The following RAPH1 variants were observed in gnomAD, a reference collection of about 807,000 sequenced individuals.
RAPH1 encodes ras-associated and pleckstrin homology domains-containing protein 1.
Under a neutral mutation model 88.1 loss-of-function variants are expected in RAPH1, and 18 were observed. The observed-to-expected ratio is 0.20, with a 90% CI of 0.14 to 0.30. RAPH1 has a LOEUF of 0.30. Ranked by LOEUF, RAPH1 falls within the 10% of genes least tolerant of loss-of-function variation. RAPH1 has a pLI of 1.00. For synonymous variants in RAPH1, 587 were observed against 559.0 expected, an observed-to-expected ratio of 1.05 and a Z score of -0.71; for missense variants, 1,448 against 1,543.2, an observed-to-expected ratio of 0.94 and a Z score of 1.03.
At chr2:203,529,738 C>T (rs1690305987) in intron 1 of RAPH1, among the ~76,000 whole-genome samples, 1 of 152,162 alleles carries the variant, frequency 6.6e-6, no homozygotes, top group African/African-American at 2.4e-5. Flanking sequence ...GTTTACAGTC[C>T]AATTTTTGCT....
intron 7 of RAPH1, 30 bp downstream of exon 7, chr2:203,459,877 T>A: frequency 1.2e-6 from 2 of 1,602,518 alleles, no homozygotes; most frequent in South Asian, 1.1e-5. Context: ...TATTTACAAA[T>A]CCTGACCTCT....
At position 203,439,803 on chromosome 2, in the gene RAPH1, A is replaced by C; in HGVS notation, c.3387T>G (p.Asp1129Glu). The C allele has an allele frequency of 6.2e-7, 1 of 1,614,074 alleles. No homozygotes were observed. The highest frequency in any genetic ancestry group is 8.5e-7 in the Non-Finnish European group (1 of 1,180,012). ...TCTCAGCTTGAGTGAGGCGGGTGCTATCATTCCGTTTGGGTCGTGTGGGTG... is the reference window on the plus strand; with the variant it reads ...TCTCAGCTTGAGTGAGGCGGGTGCTCTCATTCCGTTTGGGTCGTGTGGGTG... ...APPPTRPKRN[D>E]STRLTQAEIS... The change falls in exon 14 of 14, where the codon GAT becomes GAG. Residue 1129 changes from aspartate to glutamate, a missense_variant. Asp to Glu is a conservative substitution (Grantham distance 45). This residue lies in a region of RAPH1 where 935 missense variants were observed against 890.1 expected (regional missense o/e 1.05). Coordinates refer to ENST00000319170, the MANE Select transcript of RAPH1 (RefSeq NM_213589.3).
intron 1 of RAPH1, among the ~76,000 whole-genome samples, chr2:203,526,653 A>C (rs1690132265): frequency 6.7e-6 from 1 of 148,584 alleles, no homozygotes; most frequent in African/African-American, 2.5e-5. Context: ...TGAACCCAGA[A>C]GGCAGAGGTT....
intron 10 of RAPH1, among the ~76,000 whole-genome samples, chr2:203,451,747 C>T (rs2098515082): frequency 6.6e-6 from 1 of 152,222 alleles, no homozygotes; most frequent in African/African-American, 2.4e-5. Flanking sequence ...ATCTCCTCCT[C>T]CCCACTTCTT....
intron 13 of RAPH1, chr2:203,444,611 A>G (rs78753598): frequency 0.017 from 7,100 of 423,612 alleles, 421 homozygotes; most frequent in African/African-American, 0.13. Flanking sequence ...TGAAAGAATT[A>G]AACTGCCAGT....
chr2:203,478,021 C>T (rs1202270116), intron 4 of RAPH1, among the ~76,000 whole-genome samples: 8 of 151,342 alleles, frequency 5.3e-5, no homozygotes, highest in Non-Finnish European at 2.9e-5. Context: ...TTCTCAAAGT[C>T]ATCAATAACT....
In RAPH1 at chr2:203,454,530, T is replaced by C; in HGVS notation, c.1313A>G (p.Asp438Gly). 1.2e-6 allele frequency: 2 copies of C among 1,612,400 alleles called. No homozygotes were observed. The highest frequency in any genetic ancestry group is 1.7e-6 in the Non-Finnish European group (2 of 1,179,038). Residue 438 changes from aspartate (D) to glycine (G), a missense_variant, in exon 10 of 14, where the codon GAT becomes GGT. Asp to Gly is a moderately conservative substitution (Grantham distance 94). Around this residue, in one of 2 missense-constraint regions of RAPH1, gnomAD observed 513 missense variants for 653.1 expected, o/e 0.79. Coordinates refer to ENST00000319170, the MANE Select transcript of RAPH1 (RefSeq NM_213589.3). Reference sequence around the variant, plus strand: ...ATCCAGCTGGAGAAAGCACACCAGATCCCGAGAGACCTAAGATAAAAACAC... The same window carrying C: ...ATCCAGCTGGAGAAAGCACACCAGACCCCGAGAGACCTAAGATAAAAACAC... ...VPKGKAKVSRDLVCFLQLDHV... is the reference protein window; with the variant it reads ...VPKGKAKVSRGLVCFLQLDHV...
In RAPH1 at chr2:203,435,049, G is replaced by C. The variant is rs781782451; in HGVS notation, c.*4388C>G. ...ACAGCAAGTATTTTCTCTTTAAAAC[G>C]GTTTATTACTTCAACAAGCAAAGAG... On this transcript the variant is annotated 3_prime_UTR_variant, in exon 14 of 14. Transcript: ENST00000319170. The C allele has an allele frequency of 6.6e-6, 1 of 152,558 alleles. No individual in the cohort carries two copies. The highest frequency in any genetic ancestry group is 2.1e-4 in the South Asian group (1 of 4,826). 9.5% of individuals were successfully genotyped at this position (152,558 alleles called of 1,614,324 possible). A position where few individuals can be genotyped will look rare whatever the true frequency, so the allele number is the denominator to read the frequency against.
intron 1 of RAPH1, among the ~76,000 whole-genome samples, chr2:203,528,235 G>C (rs1333582977): frequency 1.3e-5 from 2 of 151,508 alleles, no homozygotes; most frequent in African/African-American, 4.9e-5. Flanking sequence ...TTAAAACTTA[G>C]TAAGAAAATA....
At chr2:203,512,198 G>A (rs1689372076) in intron 1 of RAPH1, among the ~76,000 whole-genome samples, 1 of 151,670 alleles carries the variant, frequency 6.6e-6, no homozygotes, top group Non-Finnish European at 1.5e-5. Flanking sequence ...GGAGGCCCAG[G>A]CAGGCGGACC....
intron 1 of RAPH1, among the ~76,000 whole-genome samples, chr2:203,526,153 C>G (rs987293674): frequency 2.6e-5 from 4 of 152,080 alleles, no homozygotes; most frequent in African/African-American, 9.7e-5. Context: ...ATTTAGGCTT[C>G]TGAAATAAGC....
rs1318054333 is a variant in RAPH1 at position 203,532,206 on chromosome 2, T to G, written c.-1+2905A>C. Among the ~76,000 whole-genome samples, 3 of 152,244 alleles carry G rather than the reference T, an allele frequency of 2.0e-5. No homozygotes were observed. In the East Asian group the frequency reaches 5.8e-4, roughly 29 times the overall value. ...AGGGAAGTGGATAGTTACTGTTTTG[T>G]TTTTGAACAGGGTCTCACTCTGTCA... On this transcript the variant is annotated intron_variant, in intron 1 of 13. Coordinates refer to ENST00000319170, the MANE Select transcript of RAPH1 (RefSeq NM_213589.3).
intron 4 of RAPH1, among the ~76,000 whole-genome samples, chr2:203,487,288 C>T (rs1431715579): frequency 1.3e-5 from 2 of 152,164 alleles, no homozygotes; most frequent in African/African-American, 4.8e-5. Flanking sequence ...TTGCTCATAT[C>T]CTAGCAGGTA....
chr2:203,516,818 C>T (rs1398238218), intron 1 of RAPH1, among the ~76,000 whole-genome samples: 3 of 151,936 alleles, frequency 2.0e-5, no homozygotes, highest in Admixed American at 6.6e-5. Context: ...CGGATCATGA[C>T]GTCAGGAGAT....
At chr2:203,454,646 C>T in intron 9 of RAPH1, 106 bp from the exon 10 acceptor site, 2 of 715,654 alleles carry the variant, frequency 2.8e-6, no homozygotes, top group South Asian at 4.0e-5. Flanking sequence ...TTTGCTAATA[C>T]TAAATAGAAA....
At chr2:203,513,450 G>A (rs1232254857) in intron 1 of RAPH1, among the ~76,000 whole-genome samples, 2 of 117,820 alleles carry the variant, frequency 1.7e-5, no homozygotes, top group African/African-American at 7.0e-5. Flanking sequence ...CACCTCCCAG[G>A]TTCATGCCAT....
Position 203,440,375 on chromosome 2 carries a change from G to A in RAPH1, c.2815C>T (p.Pro939Ser). The A allele has an allele frequency of 6.3e-7, 1 of 1,596,852 alleles. No individual in the cohort carries two copies. Among genetic ancestry groups the A allele is most frequent in the Non-Finnish European group, 8.5e-7 (1 of 1,170,424 alleles). ...GAAGCTGTGGGTGGAGGTGGTGGTG[G>A]TGGGGCTGGGACAGGTGATGGGGGT... ...PPPPSPVPAP[P>S]PPPPPTASPT... The change falls in exon 14 of 14, where the codon CCA becomes TCA. Residue 939 changes from proline (P) to serine (S), a missense_variant. Pro to Ser is a moderately conservative substitution (Grantham distance 74). This residue lies in a region of RAPH1 where 935 missense variants were observed against 890.1 expected (regional missense o/e 1.05). Transcript: ENST00000319170.
intron 3 of RAPH1, among the ~76,000 whole-genome samples, chr2:203,490,969 G>A (rs911285160): frequency 1.3e-5 from 2 of 151,392 alleles, no homozygotes; most frequent in African/African-American, 2.4e-5. Flanking sequence ...GCTTGAACCT[G>A]GGAGGCAGAG....
rs568654416 is a variant in RAPH1, at chr2:203,437,855, G to A, written c.*1582C>T. On this transcript the variant is annotated 3_prime_UTR_variant, in exon 14 of 14. Coordinates refer to ENST00000319170, the MANE Select transcript of RAPH1 (RefSeq NM_213589.3). ...TTGGTAATCATTAACAATAGGCACAGACTTTCATTACAAGATGTGCTCCCC... is the reference window on the plus strand; with the variant it reads ...TTGGTAATCATTAACAATAGGCACAAACTTTCATTACAAGATGTGCTCCCC... 4.7e-6 allele frequency: 1 copy of A among 211,734 alleles called. No individual in the cohort carries two copies. The highest frequency in any genetic ancestry group is 1.4e-4 in the East Asian group (1 of 6,942). 13.1% of individuals were successfully genotyped at this position (211,734 alleles called of 1,614,324 possible).
Sources: gnomAD v4.1 joint callset for allele counts (sites outside exome capture counted in the v4.1 genomes callset) on GRCh38, gnomAD v4.1.1 for gene constraint, gnomAD v4.1.1 regional missense constraint, MANE v1.5 for transcripts, NCBI Gene and HGNC (gene_info 2026-07-23, HGNC 2026-07-21) for gene names.